The following KHDRBS2 variants were observed in gnomAD, a reference collection of about 807,000 sequenced individuals.
The protein encoded by KHDRBS2 is KH RNA binding domain containing, signal transduction associated 2, also known as KH domain-containing, RNA-binding, signal transduction-associated protein 2.
Under a neutral mutation model 44.3 loss-of-function variants are expected in KHDRBS2, and 26 were observed. The observed-to-expected ratio is 0.59, with a 90% CI of 0.43 to 0.81. The LOEUF (loss-of-function observed/expected upper bound fraction) is 0.81, where lower values mean the gene tolerates loss of function less well. KHDRBS2 is among the 40% of genes least tolerant of loss of function. The pLI is 0.00. For synonymous variants in KHDRBS2, 194 were observed against 151.1 expected (o/e 1.28, Z -2.08); for missense variants, 476 against 433.1 (o/e 1.10, Z -0.88).
intron 2 of KHDRBS2, among the ~76,000 whole-genome samples, chr6:62,059,931 T>A (rs1791344213): frequency 6.6e-6 from 1 of 151,896 alleles, no homozygotes; most frequent in Admixed American, 6.6e-5. Context: ...ATATGTATCA[T>A]ATGACAATTA....
At chr6:62,155,953 C>T (rs1198764090) in intron 2 of KHDRBS2, among the ~76,000 whole-genome samples, 3 of 152,112 alleles carry the variant, frequency 2.0e-5, no homozygotes, top group Admixed American at 6.5e-5. Context: ...GCATAATGGG[C>T]TCATTCTTTT....
the KHDRBS2 span, among the ~76,000 whole-genome samples, chr6:61,643,285 A>G: frequency 2.0e-5 from 3 of 152,198 alleles, no homozygotes; most frequent in Admixed American, 1.3e-4. Flanking sequence ...AAAACTCTCA[A>G]TAAACTGGGT....
At chr6:61,987,150 A>G (rs1453637707) in intron 3 of KHDRBS2, among the ~76,000 whole-genome samples, 1 of 152,204 alleles carries the variant, frequency 6.6e-6, no homozygotes, top group African/African-American at 2.4e-5. Flanking sequence ...AAGTGACTCC[A>G]CTATTTCAGC....
At chr6:62,118,741 C>T (rs1002125601) in intron 2 of KHDRBS2, among the ~76,000 whole-genome samples, 4 of 152,130 alleles carry the variant, frequency 2.6e-5, no homozygotes, top group African/African-American at 9.7e-5. Flanking sequence ...CTTCATCTTT[C>T]TTCTATGCTG....
intron 4 of KHDRBS2, among the ~76,000 whole-genome samples, chr6:61,928,931 T>A (rs1275198908): frequency 6.6e-6 from 1 of 152,172 alleles, no homozygotes; most frequent in Non-Finnish European, 1.5e-5. Flanking sequence ...TTATCATTAT[T>A]TTTTAAGACT....
chr6:61,794,383 C>A (rs1210216237), intron 6 of KHDRBS2, among the ~76,000 whole-genome samples: 4 of 152,168 alleles, frequency 2.6e-5, no homozygotes, highest in Non-Finnish European at 5.9e-5. Context: ...TGAGGAACAA[C>A]TTTATTATTA....
intron 1 of KHDRBS2, among the ~76,000 whole-genome samples, chr6:62,220,470 G>T (rs1267755746): frequency 6.6e-6 from 1 of 151,838 alleles, no homozygotes; most frequent in Non-Finnish European, 1.5e-5. Context: ...ATGTATGCAA[G>T]TATGTATAGC....
chr6:61,843,107 T>C (rs1341698375), intron 6 of KHDRBS2, among the ~76,000 whole-genome samples: 1 of 151,974 alleles, frequency 6.6e-6, no homozygotes, highest in Non-Finnish European at 1.5e-5. Context: ...CAATTCCATT[T>C]ATATGAAATG....
intron 4 of KHDRBS2, among the ~76,000 whole-genome samples, chr6:61,932,933 T>C (rs1810353370): frequency 6.6e-6 from 1 of 152,246 alleles, no homozygotes; most frequent in Admixed American, 6.5e-5. Context: ...GTATGAATTG[T>C]ATTTCATTGT....
chr6:62,000,108 A>G (rs1777963031), intron 3 of KHDRBS2, among the ~76,000 whole-genome samples: 1 of 152,058 alleles, frequency 6.6e-6, no homozygotes. Context: ...CATACAGACT[A>G]CCACAATTGT....
chr6:62,172,698 G>A (rs1459055125), intron 2 of KHDRBS2, among the ~76,000 whole-genome samples: 190 of 73,376 alleles, frequency 2.6e-3, no homozygotes, highest in Admixed American at 5.1e-3. Context: ...CCAGCAAACT[G>A]AAAAAAAAAA....
chr6:61,739,382 C>G (rs1180257130), intron 6 of KHDRBS2, among the ~76,000 whole-genome samples: 1 of 151,820 alleles, frequency 6.6e-6, no homozygotes, highest in African/African-American at 2.4e-5. Context: ...TTACTTGTTT[C>G]TTAATGATAG....
At chr6:62,230,000 T>A (rs1160419701) in intron 1 of KHDRBS2, among the ~76,000 whole-genome samples, 1 of 152,168 alleles carries the variant, frequency 6.6e-6, no homozygotes, top group African/African-American at 2.4e-5. Flanking sequence ...AACATAATGG[T>A]CCTTCTGAAA....
intron 2 of KHDRBS2, among the ~76,000 whole-genome samples, chr6:62,162,422 TAGTTTCTGATG>T (rs1446868643): frequency 1.3e-5 from 2 of 152,088 alleles, no homozygotes; most frequent in East Asian, 3.8e-4. Context: ...CTGGTCTCTA[TAGTTTCTGATG>T]AGAAATCTGC....
chr6:61,559,829 A>C, the KHDRBS2 span, among the ~76,000 whole-genome samples: 1 of 152,218 alleles, frequency 6.6e-6, no homozygotes, highest in Non-Finnish European at 1.5e-5. Context: ...CTTTCTGCAT[A>C]ACATATGAGC....
intron 6 of KHDRBS2, among the ~76,000 whole-genome samples, chr6:61,869,978 T>TG (rs879812791): frequency 0.021 from 3,144 of 148,784 alleles, 59 homozygotes; most frequent in Non-Finnish European, 0.03. Flanking sequence ...TTTTTTTTTT[T>TG]TTTTTTTTTC....
intron 4 of KHDRBS2, among the ~76,000 whole-genome samples, chr6:61,936,795 A>G (rs1374841049): frequency 6.6e-6 from 1 of 152,012 alleles, no homozygotes; most frequent in African/African-American, 2.4e-5. Context: ...CTTCTTCACT[A>G]AGTTTTGCTG....
chr6:61,818,260 T>A, intron 6 of KHDRBS2, among the ~76,000 whole-genome samples: 2 of 111,072 alleles, frequency 1.8e-5, no homozygotes, highest in Non-Finnish European at 1.7e-5. Context: ...AGAAAACCTC[T>A]GTAAGTAAAA....
intron 3 of KHDRBS2, among the ~76,000 whole-genome samples, chr6:61,995,025 G>A (rs1211855868): frequency 6.6e-6 from 1 of 152,056 alleles, no homozygotes; most frequent in African/African-American, 2.4e-5. Flanking sequence ...AAGCAAATAA[G>A]GTTTGAAGTA....
Sources: gnomAD v4.1 joint callset for allele counts (sites outside exome capture counted in the v4.1 genomes callset) on GRCh38, gnomAD v4.1.1 for gene constraint, MANE v1.5 for transcripts, NCBI Gene and HGNC (gene_info 2026-07-23, HGNC 2026-07-21) for gene names.